Variants in SLC9B2 observed in about 807,000 individuals in gnomAD.
SLC9B2 encodes the protein sodium/hydrogen exchanger 9B2.
A neutral mutation model predicts 52.2 loss-of-function variants in SLC9B2; 39 were observed. That is an observed-to-expected ratio of 0.75 (90% CI 0.58 to 0.98). The LOEUF (loss-of-function observed/expected upper bound fraction) is 0.98, where lower values mean the gene tolerates loss of function less well. Ranked by LOEUF, SLC9B2 falls within the 50% of genes least tolerant of loss-of-function variation. SLC9B2 has a pLI of 0.00. For missense variants in SLC9B2, 626 were observed against 637.5 expected, an observed-to-expected ratio of 0.98 and a Z score of 0.19; for synonymous variants, 214 against 227.0, an observed-to-expected ratio of 0.94 and a Z score of 0.51.
At chr4:103,046,933 T>C in intron 7 of SLC9B2, 118 bp downstream of exon 7, 1 of 1,214,378 alleles carries the variant, frequency 8.2e-7, no homozygotes, top group Non-Finnish European at 1.1e-6. Context: ...CTTAGTGTTC[T>C]TTTGCCTATT....
At chr4:103,072,750 A>T (rs1012069235) in intron 1 of SLC9B2, among the ~76,000 whole-genome samples, 3 of 152,218 alleles carry the variant, frequency 2.0e-5, no homozygotes, top group Admixed American at 6.5e-5. Flanking sequence ...TGTGATTTGG[A>T]TAGGCTGACA....
At chr4:103,046,932 CT>C in intron 7 of SLC9B2, 118 bp downstream of exon 7, 2 of 1,209,838 alleles carry the variant, frequency 1.7e-6, no homozygotes, top group South Asian at 3.1e-5. Flanking sequence ...TCTTAGTGTT[CT>C]TTTGCCTATT....
At position 103,048,916 on chromosome 4, in the gene SLC9B2, T is replaced by C. The variant is rs770166153; in HGVS notation, c.690A>G (p.Pro230=). Residue 230 remains proline, a synonymous_variant, in exon 6 of 12, where the codon CCA becomes CCG. Transcript: ENST00000394785. Reference sequence around the variant, plus strand: ...ACCCCAGTATAAATCCCCATTGCCATGGTAAACCCAGCAGGTAATGGGCAA... The same window carrying C: ...ACCCCAGTATAAATCCCCATTGCCACGGTAAACCCAGCAGGTAATGGGCAA... ...ALLAHYLLGL[P]WQWGFILGFV... is the part of the protein sequence containing the mutation. 6.2e-7 allele frequency: 1 copy of C among 1,613,872 alleles called. No homozygotes were observed. Among genetic ancestry groups the C allele is most frequent in the Admixed American group, 1.7e-5 (1 of 60,004 alleles).
chr4:103,048,906 C>T lies in SLC9B2; in HGVS notation c.700G>A (p.Gly234Arg). ...HYLLGLPWQWGFILGFVLGAV... is the reference protein window; with the variant it reads ...HYLLGLPWQWRFILGFVLGAV... ...AACAATCATTACCCCAGTATAAATC[C>T]CCATTGCCATGGTAAACCCAGCAGG... The change falls in exon 6 of 12, where the codon GGA (glycine) becomes AGA (arginine). Residue 234 changes from glycine (G) to arginine (R), a missense_variant. Gly to Arg is a moderately radical substitution (Grantham distance 125). Coordinates refer to ENST00000394785, the MANE Select transcript of SLC9B2 (RefSeq NM_178833.7). 1.2e-6 allele frequency: 2 copies of T among 1,613,650 alleles called. No homozygotes were observed. The highest frequency in any genetic ancestry group is 1.7e-6 in the Non-Finnish European group (2 of 1,179,768).
intron 4 of SLC9B2, among the ~76,000 whole-genome samples, chr4:103,055,582 C>T (rs1745059394): frequency 6.6e-6 from 1 of 151,744 alleles, no homozygotes; most frequent in Admixed American, 6.6e-5. Flanking sequence ...TAACTACTGA[C>T]CACAAGTTCA....
At chr4:103,027,125 G>T (rs1442177630) in intron 11 of SLC9B2, among the ~76,000 whole-genome samples, 2 of 152,066 alleles carry the variant, frequency 1.3e-5, no homozygotes, top group East Asian at 1.9e-4. Flanking sequence ...GTAAGGTAGG[G>T]TTACATAAAT....
intron 4 of SLC9B2, among the ~76,000 whole-genome samples, chr4:103,055,648 C>T (rs1286615292): frequency 6.6e-6 from 1 of 150,672 alleles, no homozygotes; most frequent in Non-Finnish European, 1.5e-5. Flanking sequence ...ACTCATACAG[C>T]TAACAGAAAA....
downstream of SLC9B2, among the ~76,000 whole-genome samples, chr4:103,021,154 C>A (rs1344811513): frequency 7.7e-6 from 1 of 130,142 alleles, no homozygotes; most frequent in Non-Finnish European, 1.7e-5. Context: ...GGAAGGAAGA[C>A]CTTTGCTAGG....
chr4:103,071,568 G>A (rs1157020988), intron 1 of SLC9B2, among the ~76,000 whole-genome samples: 3 of 151,880 alleles, frequency 2.0e-5, no homozygotes, highest in Non-Finnish European at 2.9e-5. Flanking sequence ...TAGTAGAGAC[G>A]GGGTTTCACC....
At chr4:103,054,267 C>T (rs1319022851) in intron 4 of SLC9B2, among the ~76,000 whole-genome samples, 1 of 152,122 alleles carries the variant, frequency 6.6e-6, no homozygotes, top group Non-Finnish European at 1.5e-5. Context: ...GCAAATGAGA[C>T]CCTGTCTCAA....
chr4:103,019,567 G>C, downstream of SLC9B2: 3 of 985,034 alleles, frequency 3.0e-6, no homozygotes, highest in Non-Finnish European at 3.6e-6. Flanking sequence ...CAAAGGGCTT[G>C]GAAGGGCGGC....
At chr4:103,019,763 T>A (rs983732817), downstream of SLC9B2, 7 of 985,600 alleles carry the variant, frequency 7.1e-6, no homozygotes, top group Non-Finnish European at 8.4e-6. Flanking sequence ...CGCGTTTAAG[T>A]GACGTCTTGG....
intron 5 of SLC9B2, among the ~76,000 whole-genome samples, chr4:103,049,956 T>C (rs1412781361): frequency 6.7e-6 from 1 of 149,826 alleles, no homozygotes; most frequent in Non-Finnish European, 1.5e-5. Context: ...GAGGTTGCAG[T>C]GAGCTGAGAT....
chr4:103,075,622 T>G (rs1023436550), intron 1 of SLC9B2, among the ~76,000 whole-genome samples: 1 of 152,134 alleles, frequency 6.6e-6, no homozygotes, highest in Non-Finnish European at 1.5e-5. Context: ...ACATAAATAG[T>G]ATGTGATTTC....
At chr4:103,018,940 T>G (rs1466562496), downstream of SLC9B2, among the ~76,000 whole-genome samples, 2 of 152,184 alleles carry the variant, frequency 1.3e-5, no homozygotes, top group African/African-American at 2.4e-5. Flanking sequence ...CAGACCTGAT[T>G]ATGAACTGCG....
chr4:103,060,426 CAT>C (rs1015518753), intron 3 of SLC9B2, among the ~76,000 whole-genome samples: 7 of 151,396 alleles, frequency 4.6e-5, no homozygotes, highest in African/African-American at 1.7e-4. Flanking sequence ...GTTTTGTACT[CAT>C]GTTTTCTAAT....
At chr4:103,070,088 A>C (rs578135706) in intron 1 of SLC9B2, among the ~76,000 whole-genome samples, 1 of 152,236 alleles carries the variant, frequency 6.6e-6, no homozygotes, top group Non-Finnish European at 1.5e-5. Flanking sequence ...GCAGAAATAA[A>C]GGGTAAAATG....
intron 9 of SLC9B2, among the ~76,000 whole-genome samples, chr4:103,041,743 T>C (rs1053953886): frequency 2.6e-5 from 4 of 152,152 alleles, no homozygotes; most frequent in African/African-American, 9.7e-5. Context: ...TAAAATTGTG[T>C]CATGCACAAT....
chr4:103,047,045 G>C lies in SLC9B2; in HGVS notation c.889+6C>G. The C allele has an allele frequency of 6.2e-7, 1 of 1,613,594 alleles. No individual in the cohort carries two copies. The highest frequency in any genetic ancestry group is 2.2e-5 in the East Asian group (1 of 44,866). On this transcript the variant is annotated splice_donor_region_variant and intron_variant, in intron 7 of 11. Transcript: ENST00000394785. ...AGTAAAGCCTGTTGTGAACTGATTA[G>C]GTTACCTGTGGAAAAGGCTATGCCC...
Sources: gnomAD v4.1 joint callset for allele counts (sites outside exome capture counted in the v4.1 genomes callset) on GRCh38, gnomAD v4.1.1 for gene constraint, MANE v1.5 for transcripts, NCBI Gene and HGNC (gene_info 2026-07-23, HGNC 2026-07-21) for gene names.